TRPA1: variants seen among roughly 807,000 people sequenced by gnomAD.
TRPA1 encodes the protein transient receptor potential cation channel subfamily A member 1.
TRPA1 carries 129 observed loss-of-function variants against 131.3 expected under a neutral mutation model. That is an observed-to-expected ratio of 0.98 (90% CI 0.85 to 1.14). The LOEUF is 1.14. TRPA1 is among the 50% of genes most tolerant of loss of function. TRPA1 has a pLI of 0.00. For missense variants in TRPA1, 1,304 were observed against 1,354.2 expected, an observed-to-expected ratio of 0.96 and a Z score of 0.58; for synonymous variants, 441 against 451.7, an observed-to-expected ratio of 0.98 and a Z score of 0.30.
At chr8:72,065,374 A>AT (rs1805906282) in intron 4 of TRPA1, 77 bp downstream of exon 4, 1 of 1,271,278 alleles carries the variant, frequency 7.9e-7, no homozygotes, top group African/African-American at 1.5e-5. Flanking sequence ...AACTTAAGAG[A>AT]TTTTGTAAAT....
In TRPA1 at chr8:72,023,794, A is replaced by G. The variant is rs1367542977; in HGVS notation, c.3149+20T>C. On this transcript the variant is annotated intron_variant, in intron 26 of 26. Transcript: ENST00000262209. Reference sequence around the variant, plus strand: ...TGAGTTTTAAATTTCTCAAGTACAGATAGAAGGAAAAATACATACCGGTAT... The same window carrying G: ...TGAGTTTTAAATTTCTCAAGTACAGGTAGAAGGAAAAATACATACCGGTAT... 7.3e-7 allele frequency: 1 copy of G among 1,362,802 alleles called. No individual in the cohort carries two copies. Among genetic ancestry groups the G allele is most frequent in the Admixed American group, 1.7e-5 (1 of 59,506 alleles). 84.4% of individuals were successfully genotyped at this position (1,362,802 alleles called of 1,614,324 possible).
the TRPA1 span, among the ~76,000 whole-genome samples, chr8:72,082,567 G>C: frequency 6.6e-6 from 1 of 151,868 alleles, no homozygotes; most frequent in Non-Finnish European, 1.5e-5. Flanking sequence ...ATAAAATAAG[G>C]AATACTTTTT....
chr8:72,057,891 T>C, intron 8 of TRPA1, 75 bp from the exon 9 acceptor site: 3 of 1,071,528 alleles, frequency 2.8e-6, no homozygotes, highest in Admixed American at 1.8e-5. Context: ...CTCTAACTAA[T>C]GGTAATTCAT....
chr8:72,023,255 T>A, intron 26 of TRPA1, 139 bp from the exon 27 acceptor site: 1 of 760,812 alleles, frequency 1.3e-6, no homozygotes, highest in Non-Finnish European at 2.2e-6. Flanking sequence ...GTCACAATCC[T>A]TCCAGGAAAC....
intron 3 of TRPA1, among the ~76,000 whole-genome samples, chr8:72,066,195 C>T (rs1172706097): frequency 6.6e-6 from 1 of 152,132 alleles, no homozygotes; most frequent in East Asian, 1.9e-4. Context: ...AATGATCAAG[C>T]AATTTTTCTG....
chr8:72,089,402 A>G, the TRPA1 span, among the ~76,000 whole-genome samples: 16 of 152,048 alleles, frequency 1.1e-4, no homozygotes, highest in Admixed American at 9.2e-4. Context: ...TAAGACCACA[A>G]AAAAAAGTTC....
intron 20 of TRPA1, 151 bp from the exon 21 acceptor site, chr8:72,036,608 T>C: frequency 1.4e-6 from 1 of 707,972 alleles, no homozygotes; most frequent in Non-Finnish European, 2.4e-6. Context: ...CCATCCTGGA[T>C]TGACTTCAGA....
chr8:72,043,937 A>C (rs1341618719), intron 17 of TRPA1, among the ~76,000 whole-genome samples: 9 of 151,804 alleles, frequency 5.9e-5, no homozygotes, highest in African/African-American at 2.2e-4. Flanking sequence ...GATGGGCCTT[A>C]GGAACCTTCA....
Position 72,071,845 on chromosome 8 carries a change from T to C in TRPA1, c.134A>G (p.Tyr45Cys), listed in dbSNP as rs1329429594. 1.2e-6 allele frequency: 2 copies of C among 1,612,122 alleles called. No individual in the cohort carries two copies. Among genetic ancestry groups the C allele is most frequent in the Non-Finnish European group, 1.7e-6 (2 of 1,179,790 alleles). Residue 45 changes from tyrosine (Y) to cysteine (C), a missense_variant, in exon 2 of 27, where the codon TAT becomes TGT. Transcript: ENST00000262209. ...TTGCTTATTAAAGTTTTGTAATCCA[T>C]ATGCACTTCCTTCAAAAACCACCTA... ...SLKVVFEGSA[Y>C]GLQNFNKQKK... is the part of the protein sequence containing the mutation.
chr8:72,057,122 G>A (rs1462690090), intron 9 of TRPA1, 105 bp from the exon 10 acceptor site: 16 of 851,894 alleles, frequency 1.9e-5, no homozygotes, highest in South Asian at 8.3e-5. Flanking sequence ...AAATATTGTC[G>A]ACCTTTAGTT....
chr8:72,063,500 T>C lies in TRPA1; in HGVS notation c.624A>G (p.Ser208=), dbSNP rs1247839998. 6.2e-7 allele frequency: 1 copy of C among 1,613,796 alleles called. No individual in the cohort carries two copies. The highest frequency in any genetic ancestry group is 1.1e-5 in the South Asian group (1 of 91,072). ...GCFPIHQAAF[S]GSKECMEIIL... ...TTATTTCCATGCATTCTTTGGAACCTGAAAATGCAGCTTGGTGAATAGGGA... is the reference window on the plus strand; with the variant it reads ...TTATTTCCATGCATTCTTTGGAACCCGAAAATGCAGCTTGGTGAATAGGGA... Residue 208 remains serine (S), a synonymous_variant, in exon 5 of 27, where the codon TCA becomes TCG. Transcript: ENST00000262209.
At chr8:72,083,036 T>A in the TRPA1 span, among the ~76,000 whole-genome samples, 1 of 152,094 alleles carries the variant, frequency 6.6e-6, no homozygotes, top group East Asian at 1.9e-4. Context: ...GTCTTCAAGT[T>A]TACTATTTCT....
chr8:72,045,329 G>T (rs1169928116), intron 17 of TRPA1, among the ~76,000 whole-genome samples: 1 of 151,598 alleles, frequency 6.6e-6, no homozygotes, highest in Non-Finnish European at 1.5e-5. Context: ...TTAGGGAAAT[G>T]AACTCATTGA....
intron 1 of TRPA1, 28 bp downstream of exon 1, chr8:72,075,271 C>A: frequency 6.3e-7 from 1 of 1,575,400 alleles, no homozygotes; most frequent in South Asian, 1.1e-5. Flanking sequence ...CGTCGGAACC[C>A]CTCCAGACCC....
intron 17 of TRPA1, among the ~76,000 whole-genome samples, chr8:72,043,416 C>T (rs961032210): frequency 2.6e-5 from 4 of 151,726 alleles, no homozygotes; most frequent in African/African-American, 9.7e-5. Flanking sequence ...TTAAATATTG[C>T]TTAATATTTC....
At position 72,038,967 on chromosome 8, in the gene TRPA1, T is replaced by C. The variant is rs773503207; in HGVS notation, c.2193A>G (p.Ile731Met). The stretch of plus-strand genomic sequence containing the variant: ...TATTGACAACGAGAATGGTCATAGG[T>C]ATGAGACCAAGACAGTAAGATCCTA... The part of the protein sequence containing the change: ...MNLGSYCLGL[I>M]PMTILVVNIK... The change falls in exon 19 of 27, where the codon ATA becomes ATG. Residue 731 changes from isoleucine to methionine, a missense_variant. Transcript: ENST00000262209. 10 of 1,612,922 alleles carry C rather than the reference T, an allele frequency of 6.2e-6. No homozygotes were observed. In the South Asian group the frequency reaches 9.9e-5, roughly 16 times the overall value.
chr8:72,058,015 T>C lies in TRPA1; in HGVS notation c.994-199A>G, dbSNP rs184325316. Among the ~76,000 whole-genome samples the C allele has an allele frequency of 2.1e-3, 322 of 152,334 alleles. 1 individual carries two copies. The highest frequency in any genetic ancestry group is 3.5e-3 in the Non-Finnish European group (235 of 68,022). ...ATCATCAGAAATCAAGAAATTCGTT[T>C]ATAATTTCAACAAGAAATTATTCTC... On this transcript the variant is annotated intron_variant, in intron 8 of 26. Coordinates refer to ENST00000262209, the MANE Select transcript of TRPA1 (RefSeq NM_007332.3).
chr8:72,039,038 A>G lies in TRPA1; in HGVS notation c.2133-11T>C, dbSNP rs376589459. ...AATCCATAAGCCAACCTACAAAAATATAAGCAAACCAGAATTGAGTCATTT... is the reference window on the plus strand; with the variant it reads ...AATCCATAAGCCAACCTACAAAAATGTAAGCAAACCAGAATTGAGTCATTT... On this transcript the variant is annotated splice_polypyrimidine_tract_variant and intron_variant, in intron 18 of 26. Coordinates refer to ENST00000262209, the MANE Select transcript of TRPA1 (RefSeq NM_007332.3). 1.2e-4 allele frequency: 192 copies of G among 1,611,924 alleles called. No homozygotes were observed. Among genetic ancestry groups the G allele is most frequent in the Non-Finnish European group, 1.5e-4 (176 of 1,179,072 alleles).
At chr8:72,035,621 G>A (rs1450404897) in intron 21 of TRPA1, among the ~76,000 whole-genome samples, 1 of 152,090 alleles carries the variant, frequency 6.6e-6, no homozygotes, top group Non-Finnish European at 1.5e-5. Flanking sequence ...AACTGTCAGA[G>A]GCCCGGGAAC....
Sources: allele counts gnomAD v4.1 joint callset (sites outside exome capture counted in the v4.1 genomes callset), GRCh38; gene constraint gnomAD v4.1.1; transcripts MANE v1.5; gene names NCBI Gene and HGNC (gene_info 2026-07-23, HGNC 2026-07-21).